Variants in SYT14 observed in about 807,000 individuals in gnomAD.
SYT14 encodes synaptotagmin 14.
SYT14 carries 32 observed loss-of-function variants against 74.2 expected under a neutral mutation model. The ratio of observed to expected loss-of-function variants is 0.43; its 90% confidence interval spans 0.33 to 0.58. The LOEUF is 0.58. Among genes scored for constraint, SYT14 ranks in the 20% least tolerant of loss-of-function variants. The probability of loss-of-function intolerance (pLI) is 0.05; values close to 1 mark genes in which losing one functional copy is unlikely to be tolerated. For synonymous variants in SYT14, 298 were observed against 337.7 expected (o/e 0.88, Z 1.29); for missense variants, 791 against 981.8 (o/e 0.81, Z 2.60).
In SYT14 at chr1:210,066,914, T is replaced by C. The variant is rs76652119; in HGVS notation, c.1313-27408T>C. Reference sequence around the variant, plus strand: ...TCCCAAAACCAGTGTCATAAAAAATTTTTCATTTTCTTCCAAGAGTTTTAT... The same window carrying C: ...TCCCAAAACCAGTGTCATAAAAAATCTTTCATTTTCTTCCAAGAGTTTTAT... On this transcript the variant is annotated intron_variant, in intron 5 of 9. Coordinates refer to ENST00000637265, the Ensembl canonical transcript of SYT14. Among the ~76,000 whole-genome samples the C allele has an allele frequency of 8.8e-3, 1,338 of 152,130 alleles. 15 individuals carry two copies. The highest frequency in any genetic ancestry group is 0.03 in the African/African-American group (1,265 of 41,524).
intron 2 of SYT14, among the ~76,000 whole-genome samples, chr1:209,992,142 TTTG>T (rs1035082015): frequency 1.8e-4 from 28 of 152,222 alleles, no homozygotes; most frequent in South Asian, 4.1e-4. Context: ...AAAATTTTTT[TTTG>T]TTGTTGTTGT....
intron 5 of SYT14, among the ~76,000 whole-genome samples, chr1:210,066,337 C>T (rs2081296015): frequency 6.6e-6 from 1 of 151,898 alleles, no homozygotes; most frequent in African/African-American, 2.4e-5. Context: ...GTTTACAGTC[C>T]CACCAACAGT....
chr1:210,082,770 A>G (rs1185198981), intron 5 of SYT14, among the ~76,000 whole-genome samples: 1 of 152,176 alleles, frequency 6.6e-6, no homozygotes, highest in East Asian at 1.9e-4. Context: ...TTTGATACTA[A>G]TAGTAGACCA....
At chr1:209,971,011 C>T (rs1418134667) in intron 2 of SYT14, among the ~76,000 whole-genome samples, 1 of 152,074 alleles carries the variant, frequency 6.6e-6, no homozygotes, top group Non-Finnish European at 1.5e-5. Context: ...ACTTACTCTC[C>T]AATCCATGAG....
chr1:210,042,147 GTCC>G (rs1311973978), intron 5 of SYT14, among the ~76,000 whole-genome samples: 1 of 152,096 alleles, frequency 6.6e-6, no homozygotes, highest in Non-Finnish European at 1.5e-5. Flanking sequence ...CTGGGGACCT[GTCC>G]TCCTGCATGG....
chr1:209,963,617 A>G (rs1034145317), intron 2 of SYT14, among the ~76,000 whole-genome samples: 2 of 152,224 alleles, frequency 1.3e-5, no homozygotes, highest in South Asian at 2.1e-4. Flanking sequence ...GAGAAAAAAT[A>G]TCTACAGAGG....
At chr1:210,164,761 TTATATA>T (rs146562013) in exon 10 of SYT14, 2 of 152,114 alleles carry the variant, frequency 1.3e-5, no homozygotes, top group Non-Finnish European at 2.9e-5. Flanking sequence ...AAGACAGTTA[TTATATA>T]TATAGTTATT....
At chr1:209,942,455 C>T (rs1269276795) in intron 1 of SYT14, among the ~76,000 whole-genome samples, 1 of 147,014 alleles carries the variant, frequency 6.8e-6, no homozygotes, top group Non-Finnish European at 1.5e-5. Flanking sequence ...AACAACCTTG[C>T]ATTATAGTTC....
At chr1:209,965,385 A>G (rs1408741550) in intron 2 of SYT14, among the ~76,000 whole-genome samples, 4 of 152,236 alleles carry the variant, frequency 2.6e-5, no homozygotes, top group South Asian at 2.1e-4. Flanking sequence ...TGCGAAGGAC[A>G]TGATTTCATC....
chr1:209,959,168 A>T (rs2079038098), intron 2 of SYT14, among the ~76,000 whole-genome samples: 1 of 152,126 alleles, frequency 6.6e-6, no homozygotes, highest in Non-Finnish European at 1.5e-5. Flanking sequence ...TTTGAGACAG[A>T]GTCTCACTCT....
chr1:209,965,895 A>G, intron 2 of SYT14: 1 of 446,506 alleles, frequency 2.2e-6, no homozygotes, highest in Non-Finnish European at 4.5e-6. Flanking sequence ...TTTTTTAGAT[A>G]GGGTATTTCT....
chr1:210,001,956 A>C (rs763477048), intron 2 of SYT14, among the ~76,000 whole-genome samples: 4 of 152,132 alleles, frequency 2.6e-5, no homozygotes, highest in Non-Finnish European at 4.4e-5. Context: ...AGCCATTGGA[A>C]GGTTTTGACC....
chr1:210,122,852 C>A lies in SYT14; in HGVS notation c.2034+22391C>A, dbSNP rs976136584. Among the ~76,000 whole-genome samples the A allele has an allele frequency of 2.4e-4, 36 of 152,110 alleles. 2 individuals are homozygous for A. Among genetic ancestry groups the A allele is most frequent in the Admixed American group, 1.1e-3 (17 of 15,270 alleles). On this transcript the variant is annotated intron_variant, in intron 7 of 9. Transcript: ENST00000637265. ...TATATTCACCTTATGATTTGCATAT[C>A]AGTCAGTAGTTTGTAAATAAATTTG...
intron 2 of SYT14, among the ~76,000 whole-genome samples, chr1:209,973,620 G>T (rs142202536): frequency 6.6e-6 from 1 of 152,064 alleles, no homozygotes; most frequent in Non-Finnish European, 1.5e-5. Flanking sequence ...ATTGGTGGAC[G>T]TTGGGTTGGT....
rs1176162753 is a variant in SYT14 at position 209,977,968 on chromosome 1, A to G, written c.-486+25212A>G. ...CATTTCATTCACTTGATCTTCCATC[A>G]CTGATACCCTTTCTTCCAGTTAATA... On this transcript the variant is annotated intron_variant, in intron 2 of 9. Coordinates refer to ENST00000637265, the Ensembl canonical transcript of SYT14. Among the ~76,000 whole-genome samples the G allele has an allele frequency of 3.9e-5, 6 of 152,072 alleles. No homozygotes were observed. In the South Asian group the frequency reaches 6.2e-4, roughly 16 times the overall value.
chr1:210,022,331 G>C (rs948440046), intron 5 of SYT14, among the ~76,000 whole-genome samples: 2 of 152,148 alleles, frequency 1.3e-5, no homozygotes, highest in Non-Finnish European at 2.9e-5. Context: ...AATACTGAAT[G>C]ATTACTATAT....
chr1:210,107,412 C>T (rs1035154316), intron 7 of SYT14, among the ~76,000 whole-genome samples: 2 of 152,228 alleles, frequency 1.3e-5, no homozygotes, highest in African/African-American at 2.4e-5. Flanking sequence ...CCTCCCACAT[C>T]TTATGTCCTC....
At chr1:209,976,244 A>G (rs2079361493) in intron 2 of SYT14, among the ~76,000 whole-genome samples, 1 of 150,434 alleles carries the variant, frequency 6.6e-6, no homozygotes, top group East Asian at 2.0e-4. Flanking sequence ...GCCTTCTGCT[A>G]GCTTTTGAAT....
intron 7 of SYT14, among the ~76,000 whole-genome samples, chr1:210,116,528 G>A (rs1244655211): frequency 6.6e-6 from 1 of 152,092 alleles, no homozygotes; most frequent in Non-Finnish European, 1.5e-5. Context: ...TGTATTTTTG[G>A]TAGAGGTGGG....
Sources: allele counts gnomAD v4.1 joint callset (sites outside exome capture counted in the v4.1 genomes callset), GRCh38; gene constraint gnomAD v4.1.1; transcripts MANE v1.5; gene names NCBI Gene and HGNC (gene_info 2026-07-23, HGNC 2026-07-21).